MCTP1: variants seen among roughly 807,000 people sequenced by gnomAD.
The protein encoded by MCTP1 is multiple C2 and transmembrane domain containing 1.
A neutral mutation model predicts 120.6 loss-of-function variants in MCTP1; 69 were observed. The ratio of observed to expected loss-of-function variants is 0.57; its 90% CI spans 0.47 to 0.70. The LOEUF (loss-of-function observed/expected upper bound fraction) is 0.70, where lower values mean the gene tolerates loss of function less well. Among genes scored for constraint, MCTP1 ranks in the 30% least tolerant of loss-of-function variants. The pLI is 0.00. For missense variants in MCTP1, 1,203 were observed against 1,248.8 expected, an observed-to-expected ratio of 0.96 and a Z score of 0.55; for synonymous variants, 529 against 493.1, an observed-to-expected ratio of 1.07 and a Z score of -0.96.
chr5:95,274,870 G>A (rs1759700515), intron 1 of MCTP1, among the ~76,000 whole-genome samples: 1 of 151,970 alleles, frequency 6.6e-6, no homozygotes, highest in Non-Finnish European at 1.5e-5. Flanking sequence ...TGATCCGCCC[G>A]CCTCGGCCTC....
chr5:95,240,487 C>T (rs1032507159), intron 1 of MCTP1, among the ~76,000 whole-genome samples: 5 of 152,128 alleles, frequency 3.3e-5, no homozygotes, highest in Non-Finnish European at 1.5e-5. Flanking sequence ...GCAGTGAGGC[C>T]AAGGCTGAAC....
At chr5:95,140,658 C>A (rs578216398) in intron 1 of MCTP1, among the ~76,000 whole-genome samples, 2 of 126,908 alleles carry the variant, frequency 1.6e-5, no homozygotes, top group Non-Finnish European at 3.1e-5. Flanking sequence ...GAGATCGAGA[C>A]CATCCTGGCT....
At chr5:94,859,977 T>A (rs1451304844) in intron 17 of MCTP1, among the ~76,000 whole-genome samples, 5 of 151,724 alleles carry the variant, frequency 3.3e-5, no homozygotes, top group Non-Finnish European at 7.4e-5. Flanking sequence ...GCAGGAACTG[T>A]ATAGAATGAT....
At chr5:95,247,509 C>T (rs1301919591) in intron 1 of MCTP1, among the ~76,000 whole-genome samples, 2 of 152,124 alleles carry the variant, frequency 1.3e-5, no homozygotes, top group Non-Finnish European at 2.9e-5. Context: ...ATCTTTCCTG[C>T]TTTCTCTTGT....
At chr5:94,950,981 A>C (rs1263542838) in intron 3 of MCTP1, among the ~76,000 whole-genome samples, 2 of 151,276 alleles carry the variant, frequency 1.3e-5, no homozygotes, top group African/African-American at 4.9e-5. Context: ...GTGTAAATTT[A>C]TGGGGTACAA....
At chr5:94,754,701 A>C (rs970719481) in intron 19 of MCTP1, among the ~76,000 whole-genome samples, 1 of 152,186 alleles carries the variant, frequency 6.6e-6, no homozygotes, top group African/African-American at 2.4e-5. Context: ...TTTATTATCC[A>C]GGCAGAAATT....
At chr5:95,131,959 T>C (rs1046801387) in intron 1 of MCTP1, among the ~76,000 whole-genome samples, 1 of 152,246 alleles carries the variant, frequency 6.6e-6, no homozygotes, top group African/African-American at 2.4e-5. Flanking sequence ...TTAGACTCTT[T>C]AAAGCCCCAG....
At chr5:94,947,344 C>G (rs1472838444) in intron 3 of MCTP1, among the ~76,000 whole-genome samples, 2 of 151,806 alleles carry the variant, frequency 1.3e-5, no homozygotes, top group East Asian at 3.9e-4. Flanking sequence ...TAATTATGCT[C>G]TGAATTATGA....
intron 3 of MCTP1, among the ~76,000 whole-genome samples, chr5:94,946,037 G>A (rs1197036488): frequency 6.6e-6 from 1 of 152,216 alleles, no homozygotes; most frequent in Non-Finnish European, 1.5e-5. Flanking sequence ...CAGCTACTGA[G>A]GGAGCAGGAA....
intron 12 of MCTP1, among the ~76,000 whole-genome samples, chr5:94,879,288 A>G (rs1389916782): frequency 1.3e-5 from 2 of 152,116 alleles, no homozygotes; most frequent in Non-Finnish European, 2.9e-5. Flanking sequence ...ACAGATTTTA[A>G]ACGTAAATCA....
intron 17 of MCTP1, among the ~76,000 whole-genome samples, chr5:94,809,820 G>A (rs79420321): frequency 3.9e-5 from 6 of 152,090 alleles, no homozygotes; most frequent in Admixed American, 1.3e-4. Context: ...ATGAGTTAAC[G>A]CTGTTAAACT....
intron 1 of MCTP1, among the ~76,000 whole-genome samples, chr5:95,209,080 T>A (rs1752018842): frequency 6.6e-6 from 1 of 152,166 alleles, no homozygotes; most frequent in Non-Finnish European, 1.5e-5. Context: ...TGAGCTTGAT[T>A]TCCCCACAAG....
intron 1 of MCTP1, among the ~76,000 whole-genome samples, chr5:95,275,362 C>G (rs1161054977): frequency 1.3e-5 from 2 of 152,208 alleles, no homozygotes; most frequent in Non-Finnish European, 2.9e-5. Context: ...TTCCCAGGTG[C>G]CAGTATTCAG....
At chr5:95,211,106 C>T (rs372908527) in intron 1 of MCTP1, among the ~76,000 whole-genome samples, 1 of 152,010 alleles carries the variant, frequency 6.6e-6, no homozygotes, top group East Asian at 1.9e-4. Flanking sequence ...CTGCCCTTAA[C>T]ATTTTTTCCT....
intron 2 of MCTP1, among the ~76,000 whole-genome samples, chr5:94,975,345 C>A (rs1456976911): frequency 6.6e-6 from 1 of 151,886 alleles, no homozygotes; most frequent in Non-Finnish European, 1.5e-5. Context: ...GAGGATGGTG[C>A]CCTCCTGATG....
Position 95,057,150 on chromosome 5 carries a change from T to C in MCTP1, c.721-39666A>G, listed in dbSNP as rs140934271. 6.8e-4 allele frequency among the ~76,000 whole-genome samples: 103 copies of C among 152,194 alleles called. No homozygotes were observed. In the East Asian group the frequency reaches 8.3e-3, roughly 12 times the overall value. ...TATCATAAAATAGTAACATTAATTA[T>C]AGAGAATGGAAACAGAGGTGTATGT... On this transcript the variant is annotated intron_variant, in intron 1 of 22. Transcript: ENST00000515393.
At chr5:94,724,021 A>C (rs1761548290) in intron 19 of MCTP1, among the ~76,000 whole-genome samples, 1 of 152,204 alleles carries the variant, frequency 6.6e-6, no homozygotes, top group African/African-American at 2.4e-5. Context: ...TGACTATGAG[A>C]AAGGGAAGGA....
chr5:94,825,218 G>A (rs1210106984), intron 17 of MCTP1, among the ~76,000 whole-genome samples: 7 of 151,984 alleles, frequency 4.6e-5, no homozygotes, highest in Admixed American at 3.3e-4. Context: ...AGCTGTGTGC[G>A]GAAGATTCTG....
intron 1 of MCTP1, among the ~76,000 whole-genome samples, chr5:95,250,935 A>G (rs1228430598): frequency 6.6e-5 from 10 of 152,214 alleles, no homozygotes; most frequent in Non-Finnish European, 1.5e-4. Flanking sequence ...GTTGATAAGA[A>G]TAGCTTATTT....
Sources: allele counts gnomAD v4.1 joint callset (sites outside exome capture counted in the v4.1 genomes callset), GRCh38; gene constraint gnomAD v4.1.1; transcripts MANE v1.5; gene names NCBI Gene and HGNC (gene_info 2026-07-23, HGNC 2026-07-21).